ELOVL2: variants seen among roughly 807,000 people sequenced by gnomAD.
ELOVL2 encodes ELOVL fatty acid elongase 2.
A neutral mutation model predicts 37.7 loss-of-function variants in ELOVL2; 38 were observed. The observed-to-expected ratio is 1.01, with a 90% CI of 0.78 to 1.32. The LOEUF (loss-of-function observed/expected upper bound fraction) is 1.32. Among genes scored for constraint, ELOVL2 ranks in the 40% most tolerant of loss-of-function variants. The probability of loss-of-function intolerance (pLI) is 0.00; values close to 1 mark genes in which losing one functional copy is unlikely to be tolerated. For synonymous variants in ELOVL2, 115 were observed against 122.3 expected, an observed-to-expected ratio of 0.94 and a Z score of 0.40; for missense variants, 352 against 363.6, an observed-to-expected ratio of 0.97 and a Z score of 0.26.
rs569378955 is a variant in ELOVL2, at chr6:10,986,560, G to C, written c.766-2654C>G. Among the ~76,000 whole-genome samples, 524 of 151,970 alleles carry C rather than the reference G, an allele frequency of 3.4e-3. 1 individual carries two copies. Among genetic ancestry groups the C allele is most frequent in the African/African-American group, 0.012 (499 of 41,378 alleles). ...TTTACTGAGAGTTTTTAGCATGAAG[G>C]GTTGTTGAATTTTGTCAAAGGCCTT... On this transcript the variant is annotated intron_variant, in intron 7 of 7. Coordinates refer to ENST00000354666, the MANE Select transcript of ELOVL2 (RefSeq NM_017770.4).
Position 11,044,085 on chromosome 6 carries a change from C to A in ELOVL2, c.3+143G>T. The A allele has an allele frequency of 9.0e-7, 1 of 1,112,742 alleles. No individual in the cohort carries two copies. The highest frequency in any genetic ancestry group is 1.2e-6 in the Non-Finnish European group (1 of 860,202). The allele number at this position is 1,112,742 out of a possible 1,614,324, so 68.9% of individuals were successfully genotyped here. ...CCCGCTCCCCAGGCCCGCGCGGACC[C>A]GGCCCCTCCGAGGGTAGCGGGTTCC... On this transcript the variant is annotated intron_variant, in intron 1 of 7. Transcript: ENST00000354666. The surrounding 1 kb of genome is among the most constrained non-coding windows in gnomAD (Gnocchi z 5.6).
At chr6:11,025,815 C>A (rs1253552762) in intron 1 of ELOVL2, among the ~76,000 whole-genome samples, 1 of 152,142 alleles carries the variant, frequency 6.6e-6, no homozygotes, top group South Asian at 2.1e-4. Context: ...GAAGTCTTCA[C>A]CCAGTTTTAG....
intron 5 of ELOVL2, among the ~76,000 whole-genome samples, 164 bp from the exon 6 acceptor site, chr6:10,990,606 G>A (rs528835867): frequency 2.0e-5 from 3 of 151,838 alleles, no homozygotes; most frequent in South Asian, 2.1e-4. Context: ...TACTGTGCCA[G>A]TTCTAGGATT....
At chr6:10,987,612 G>A (rs2113466921) in intron 7 of ELOVL2, among the ~76,000 whole-genome samples, 1 of 152,070 alleles carries the variant, frequency 6.6e-6, no homozygotes, top group South Asian at 2.1e-4. Context: ...CATGTTTATA[G>A]TATCATTTTT....
At chr6:10,992,068 C>G (rs573354462) in intron 5 of ELOVL2, among the ~76,000 whole-genome samples, 17 of 152,288 alleles carry the variant, frequency 1.1e-4, no homozygotes, top group Non-Finnish European at 2.2e-4. Context: ...AATACTTAAC[C>G]TTGGTAATTC....
At chr6:11,009,335 T>C (rs1782531596) in intron 2 of ELOVL2, among the ~76,000 whole-genome samples, 1 of 152,224 alleles carries the variant, frequency 6.6e-6, no homozygotes, top group Admixed American at 6.5e-5. Context: ...AAATTAGGCA[T>C]AGTAAGAGAT....
At chr6:10,990,703 C>T (rs1264082389) in intron 5 of ELOVL2, among the ~76,000 whole-genome samples, 2 of 150,852 alleles carry the variant, frequency 1.3e-5, no homozygotes, top group African/African-American at 4.9e-5. Context: ...ACCTTATCTA[C>T]GAGGTTTTAC....
At chr6:11,030,826 G>A (rs1041327562) in intron 1 of ELOVL2, among the ~76,000 whole-genome samples, 3 of 152,030 alleles carry the variant, frequency 2.0e-5, no homozygotes, top group East Asian at 3.9e-4. Flanking sequence ...AAATAAACAC[G>A]TACTGGGCAC....
intron 1 of ELOVL2, among the ~76,000 whole-genome samples, chr6:11,030,365 G>C (rs1448944760): frequency 6.6e-6 from 1 of 152,162 alleles, no homozygotes. Flanking sequence ...CTCCAATGCA[G>C]ATCCCAGATC....
At chr6:10,994,967 A>G in intron 5 of ELOVL2, 40 bp downstream of exon 5, 1 of 1,493,270 alleles carries the variant, frequency 6.7e-7, no homozygotes, top group Non-Finnish European at 9.1e-7. Context: ...GGTCTCTAAG[A>G]GCCATTCCTC....
intron 1 of ELOVL2, among the ~76,000 whole-genome samples, chr6:11,016,451 G>A (rs1252831762): frequency 6.6e-6 from 1 of 152,080 alleles, no homozygotes; most frequent in Admixed American, 6.6e-5. Context: ...TTTTTTTAAC[G>A]TACATTTCAG....
Position 10,995,080 on chromosome 6 carries a change from A to G in ELOVL2, c.432T>C (p.Phe144=), listed in dbSNP as rs1581862237. The G allele has an allele frequency of 3.1e-6, 5 of 1,613,464 alleles. No homozygotes were observed. The highest frequency in any genetic ancestry group is 4.5e-5 in the East Asian group (2 of 44,898). ...VLRKKTSQIT[F]LHVYHHASMF... is the part of the protein sequence containing the mutation. ...TAGAAGCATGATGATATACATGAAG[A>G]AAAGTAATCTGACTCGTTTTTTTCC... Residue 144 remains phenylalanine, a synonymous_variant, in exon 5 of 8, where the codon TTT becomes TTC. Coordinates refer to ENST00000354666, the MANE Select transcript of ELOVL2 (RefSeq NM_017770.4).
At chr6:11,021,502 T>C (rs1439602005) in intron 1 of ELOVL2, among the ~76,000 whole-genome samples, 3 of 151,948 alleles carry the variant, frequency 2.0e-5, no homozygotes, top group African/African-American at 4.8e-5. Flanking sequence ...TGTGTATTAA[T>C]ATATATTTGG....
intron 4 of ELOVL2, 40 bp downstream of exon 4, chr6:11,000,047 G>A (rs374036107): frequency 6.3e-7 from 1 of 1,580,832 alleles, no homozygotes; most frequent in Non-Finnish European, 8.7e-7. Context: ...TTGTCAATGG[G>A]AACTGGTTAT....
At chr6:11,027,380 A>G (rs142004486) in intron 1 of ELOVL2, among the ~76,000 whole-genome samples, 1 of 152,120 alleles carries the variant, frequency 6.6e-6, no homozygotes, top group Non-Finnish European at 1.5e-5. Context: ...CATATGGGAG[A>G]GTCATGGACT....
intron 5 of ELOVL2, among the ~76,000 whole-genome samples, chr6:10,991,356 G>A (rs1179437918): frequency 6.6e-6 from 1 of 152,172 alleles, no homozygotes; most frequent in African/African-American, 2.4e-5. Context: ...GCTGTTCTGC[G>A]AGCTATCCTG....
intron 1 of ELOVL2, among the ~76,000 whole-genome samples, chr6:11,041,573 T>C (rs989473377): frequency 6.6e-6 from 1 of 152,226 alleles, no homozygotes; most frequent in Non-Finnish European, 1.5e-5. Flanking sequence ...CAATAAGGTA[T>C]CTTTCATTCA....
In ELOVL2 at chr6:11,020,363, A is replaced by G. The variant is rs113263975; in HGVS notation, c.4-9554T>C. Among the ~76,000 whole-genome samples the G allele has an allele frequency of 8.8e-3, 1,347 of 152,366 alleles. 20 individuals are homozygous for G. The highest frequency in any genetic ancestry group is 0.03 in the African/African-American group (1,265 of 41,590). On this transcript the variant is annotated intron_variant, in intron 1 of 7. Coordinates refer to ENST00000354666, the MANE Select transcript of ELOVL2 (RefSeq NM_017770.4). ...CAAATACTTATTATTTTATATTGAT[A>G]CAAAGATTAGCGATAAGAGTAATCA...
intron 1 of ELOVL2, among the ~76,000 whole-genome samples, chr6:11,030,840 G>GA (rs1484192109): frequency 6.6e-6 from 1 of 152,108 alleles, no homozygotes; most frequent in Non-Finnish European, 1.5e-5. Flanking sequence ...TGGGCACTAA[G>GA]AAATGAAACA....
Sources: gnomAD v4.1 joint callset for allele counts (sites outside exome capture counted in the v4.1 genomes callset) on GRCh38, gnomAD v4.1.1 for gene constraint, Gnocchi (gnomAD v3.1) non-coding constraint, MANE v1.5 for transcripts, NCBI Gene and HGNC (gene_info 2026-07-23, HGNC 2026-07-21) for gene names.